HS1BP3: variants seen among roughly 807,000 people sequenced by gnomAD.
The protein encoded by HS1BP3 is HCLS1 binding protein 3, also known as HCLS1-binding protein 3.
HS1BP3 carries 32 observed loss-of-function variants against 33.5 expected under a neutral mutation model. The ratio of observed to expected loss-of-function variants is 0.95; its 90% CI spans 0.72 to 1.28. HS1BP3 has a LOEUF of 1.28. Ranked by LOEUF, HS1BP3 falls within the 50% of genes most tolerant of loss-of-function variation. The pLI, the probability that HS1BP3 is intolerant of heterozygous loss-of-function variation, is 0.00. For synonymous variants in HS1BP3, 187 were observed against 209.2 expected, an observed-to-expected ratio of 0.89 and a Z score of 0.92; for missense variants, 486 against 502.3, an observed-to-expected ratio of 0.97 and a Z score of 0.31.
At chr2:20,620,834 C>T (rs911365505) in intron 6 of HS1BP3, among the ~76,000 whole-genome samples, 2 of 152,196 alleles carry the variant, frequency 1.3e-5, no homozygotes, top group African/African-American at 4.8e-5. Context: ...GGGCATAAGA[C>T]ACAGAAAAGC....
downstream of HS1BP3, among the ~76,000 whole-genome samples, chr2:20,559,317 C>T (rs1431208498): frequency 6.6e-6 from 1 of 152,280 alleles, no homozygotes; most frequent in African/African-American, 2.4e-5. Flanking sequence ...CCCGATCTGA[C>T]TCCCGCTGTC....
downstream of HS1BP3, among the ~76,000 whole-genome samples, chr2:20,617,026 G>C (rs1233158399): frequency 6.6e-6 from 1 of 152,158 alleles, no homozygotes; most frequent in Non-Finnish European, 1.5e-5. Flanking sequence ...GGCAGGCCAG[G>C]TTCTGCCAGT....
At chr2:20,622,164 G>A in intron 6 of HS1BP3, 1 of 1,278,390 alleles carries the variant, frequency 7.8e-7, no homozygotes, top group Non-Finnish European at 1.0e-6. Flanking sequence ...ATGAACGAAG[G>A]GGTGAAAGCA....
At chr2:20,576,796 C>T (rs1336643691) in intron 5 of HS1BP3, among the ~76,000 whole-genome samples, 1 of 152,216 alleles carries the variant, frequency 6.6e-6, no homozygotes, top group Non-Finnish European at 1.5e-5. Context: ...TGCCTGCCTC[C>T]CGGAAGCTGA....
chr2:20,646,030 G>A (rs896615516), intron 1 of HS1BP3, among the ~76,000 whole-genome samples: 5 of 152,238 alleles, frequency 3.3e-5, no homozygotes, highest in Non-Finnish European at 5.9e-5. Context: ...TGATAGGCCC[G>A]TCCCTCATCT....
At chr2:20,599,936 G>A (rs1450288176) in intron 2 of HS1BP3, among the ~76,000 whole-genome samples, 1 of 152,196 alleles carries the variant, frequency 6.6e-6, no homozygotes, top group Non-Finnish European at 1.5e-5. Context: ...CTGTCTGCCT[G>A]CGTTCCTTGT....
At chr2:20,633,915 C>T (rs568575448) in intron 4 of HS1BP3, among the ~76,000 whole-genome samples, 14 of 152,378 alleles carry the variant, frequency 9.2e-5, no homozygotes, top group Non-Finnish European at 1.8e-4. Flanking sequence ...GCCTGCGTGA[C>T]GCTGCAGGGC....
chr2:20,650,058 C>T (rs1195767761), intron 1 of HS1BP3, among the ~76,000 whole-genome samples: 2 of 152,174 alleles, frequency 1.3e-5, no homozygotes, highest in East Asian at 1.9e-4. Flanking sequence ...CCTCTTCTGC[C>T]CATGAAGATA....
chr2:20,650,524 C>T lies in HS1BP3; in HGVS notation c.32+508G>A, dbSNP rs575907883. On this transcript the variant is annotated intron_variant, in intron 1 of 6. Coordinates refer to ENST00000304031, the MANE Select transcript of HS1BP3 (RefSeq NM_022460.4). ...TCATCAAACTCATCCTCCCAGAAACCGGGTTCCTGCCCTGTACTGTGTTCC... is the reference window on the plus strand; with the variant it reads ...TCATCAAACTCATCCTCCCAGAAACTGGGTTCCTGCCCTGTACTGTGTTCC... Among the ~76,000 whole-genome samples the T allele has an allele frequency of 3.3e-5, 5 of 152,320 alleles. No individual in the cohort carries two copies. The East Asian group carries it at 5.8e-4, about 18-fold the overall frequency.
At chr2:20,586,195 G>A (rs535601401) in intron 5 of HS1BP3, 93 of 152,356 alleles carry the variant, frequency 6.1e-4, no homozygotes, top group African/African-American at 2.1e-3. Flanking sequence ...GAGGGGGTCT[G>A]ATGCCCGTTC....
chr2:20,642,115 G>A (rs1037975767), intron 2 of HS1BP3, among the ~76,000 whole-genome samples: 3 of 152,208 alleles, frequency 2.0e-5, no homozygotes, highest in African/African-American at 4.8e-5. Context: ...GCTCCTCTGT[G>A]CTTTCCCCAT....
the HS1BP3 span, among the ~76,000 whole-genome samples, chr2:20,555,011 A>G: frequency 6.5e-3 from 985 of 152,156 alleles, 31 homozygotes; most frequent in East Asian, 0.058. Context: ...TTTCCTGTGC[A>G]TTCACACACC....
At chr2:20,584,161 G>C (rs1572304589) in intron 5 of HS1BP3, among the ~76,000 whole-genome samples, 2 of 152,226 alleles carry the variant, frequency 1.3e-5, no homozygotes, top group East Asian at 3.8e-4. Flanking sequence ...TGGGCCAGGT[G>C]GGGTATAGAT....
At chr2:20,583,903 A>T (rs1343737156) in intron 5 of HS1BP3, among the ~76,000 whole-genome samples, 1 of 152,164 alleles carries the variant, frequency 6.6e-6, no homozygotes, top group African/African-American at 2.4e-5. Context: ...GCACCTGCAC[A>T]ATGTCAAATA....
At chr2:20,622,342 C>T (rs1341309131) in intron 6 of HS1BP3, 2 of 1,303,698 alleles carry the variant, frequency 1.5e-6, no homozygotes, top group Non-Finnish European at 1.0e-6. Flanking sequence ...AAAAGAAAAG[C>T]AGTTAATCCT....
chr2:20,635,848 A>T (rs919355238), intron 4 of HS1BP3: 1 of 152,190 alleles, frequency 6.6e-6, no homozygotes, highest in African/African-American at 2.4e-5. Flanking sequence ...CTAATGGTGT[A>T]ATAACGCTCT....
intron 4 of HS1BP3, among the ~76,000 whole-genome samples, chr2:20,627,934 A>T (rs2149293942): frequency 6.6e-6 from 1 of 152,304 alleles, no homozygotes; most frequent in South Asian, 2.1e-4. Flanking sequence ...AGGGATGGAC[A>T]GGTGGAGGAC....
intron 5 of HS1BP3, among the ~76,000 whole-genome samples, chr2:20,585,840 T>C (rs1007945922): frequency 5.9e-5 from 9 of 152,196 alleles, no homozygotes; most frequent in African/African-American, 1.9e-4. Flanking sequence ...ATGCCTACTG[T>C]GTGTCAGGCA....
At chr2:20,638,777 C>T in intron 3 of HS1BP3, 125 bp from the exon 4 acceptor site, 1 of 711,600 alleles carries the variant, frequency 1.4e-6, no homozygotes, top group Non-Finnish European at 2.3e-6. Flanking sequence ...CTCCTGGGAC[C>T]AAACTCGTCC....
Sources: gnomAD v4.1 joint callset for allele counts (sites outside exome capture counted in the v4.1 genomes callset) on GRCh38, gnomAD v4.1.1 for gene constraint, MANE v1.5 for transcripts, NCBI Gene and HGNC (gene_info 2026-07-23, HGNC 2026-07-21) for gene names.